The following TFEC variants were observed in gnomAD, a reference collection of about 807,000 sequenced individuals.
The protein encoded by TFEC is transcription factor EC.
Under a neutral mutation model 41.6 loss-of-function variants are expected in TFEC, and 31 were observed. That is an observed-to-expected ratio of 0.74 (90% CI 0.56 to 1.01). The LOEUF is 1.01. Ranked by LOEUF, TFEC falls within the 50% of genes least tolerant of loss-of-function variation. The probability of loss-of-function intolerance (pLI) is 0.00; values close to 1 mark genes in which losing one functional copy is unlikely to be tolerated. For missense variants in TFEC, 402 were observed against 404.1 expected, an observed-to-expected ratio of 0.99 and a Z score of 0.04; for synonymous variants, 143 against 140.6, an observed-to-expected ratio of 1.02 and a Z score of -0.12.
chr7:115,948,530 A>G (rs1164961505), intron 6 of TFEC, among the ~76,000 whole-genome samples: 1 of 152,190 alleles, frequency 6.6e-6, no homozygotes, highest in East Asian at 1.9e-4. Flanking sequence ...CCTGGGATGC[A>G]AGTCTGGTTC....
chr7:115,940,257 A>G lies in TFEC; in HGVS notation c.*294T>C, dbSNP rs1793419250. The G allele has an allele frequency of 1.3e-5, 3 of 239,360 alleles. No homozygotes were observed. The South Asian group carries it at 2.7e-4, about 22-fold the overall frequency. The allele number at this position is 239,360 out of a possible 1,614,324, so 14.8% of individuals were successfully genotyped here. ...GTACACCACCAAGTTGCTGCTTTTA[A>G]AACATCAATAAAGAGCTATTTCTTA... On this transcript the variant is annotated 3_prime_UTR_variant, in exon 8 of 8. Coordinates refer to ENST00000265440, the MANE Select transcript of TFEC (RefSeq NM_012252.4).
intron 3 of TFEC, among the ~76,000 whole-genome samples, chr7:116,041,391 T>G (rs1305323150): frequency 1.3e-5 from 2 of 152,124 alleles, no homozygotes; most frequent in Admixed American, 1.3e-4. Context: ...CAGATTCAAG[T>G]AATTTTGGGC....
chr7:116,067,670 T>A (rs1054713636), intron 3 of TFEC, among the ~76,000 whole-genome samples: 1 of 151,994 alleles, frequency 6.6e-6, no homozygotes, highest in Admixed American at 6.6e-5. Flanking sequence ...AAATATTTAT[T>A]GAGATCTACT....
intron 1 of TFEC, among the ~76,000 whole-genome samples, chr7:116,129,052 G>A (rs529302395): frequency 3.0e-4 from 45 of 152,050 alleles, no homozygotes; most frequent in African/African-American, 1.1e-3. Context: ...CTGTTTTCAG[G>A]AGCTTCATCT....
chr7:115,952,801 G>A (rs1453967202), intron 5 of TFEC, among the ~76,000 whole-genome samples: 1 of 152,024 alleles, frequency 6.6e-6, no homozygotes, highest in African/African-American at 2.4e-5. Context: ...CTTAGATCCA[G>A]GCAAGAGAGG....
chr7:115,992,045 A>G (rs1255697238), intron 1 of TFEC, among the ~76,000 whole-genome samples: 2 of 152,222 alleles, frequency 1.3e-5, no homozygotes, highest in African/African-American at 4.8e-5. Context: ...ACTCAAGATT[A>G]AGAAACTCAC....
intron 3 of TFEC, among the ~76,000 whole-genome samples, chr7:116,072,149 C>A (rs1210015403): frequency 6.6e-6 from 1 of 151,378 alleles, no homozygotes; most frequent in African/African-American, 2.4e-5. Flanking sequence ...ACACAGAAAG[C>A]TATGTTTACA....
At chr7:116,017,869 T>C (rs1258130822) in intron 1 of TFEC, among the ~76,000 whole-genome samples, 2 of 152,334 alleles carry the variant, frequency 1.3e-5, no homozygotes, top group South Asian at 2.1e-4. Flanking sequence ...TATTGGCATT[T>C]TGTAATTAGT....
chr7:115,943,646 C>T (rs965626968), intron 6 of TFEC, among the ~76,000 whole-genome samples: 1 of 151,450 alleles, frequency 6.6e-6, no homozygotes, highest in African/African-American at 2.4e-5. Flanking sequence ...ACTTTTGCCT[C>T]TCTCCCAAAA....
chr7:116,159,357 A>G (rs1798929739), intron 1 of TFEC, among the ~76,000 whole-genome samples: 2 of 152,014 alleles, frequency 1.3e-5, no homozygotes, highest in African/African-American at 4.8e-5. Context: ...TCGATGCTAG[A>G]TTAATAAATT....
At chr7:116,039,978 G>C (rs990755073) in intron 3 of TFEC, among the ~76,000 whole-genome samples, 18 of 152,040 alleles carry the variant, frequency 1.2e-4, no homozygotes, top group Non-Finnish European at 2.9e-5. Flanking sequence ...TGTTCCTCAA[G>C]TAAGACAGGA....
chr7:116,112,212 G>T (rs915724838), intron 1 of TFEC, among the ~76,000 whole-genome samples: 1 of 151,906 alleles, frequency 6.6e-6, no homozygotes, highest in Non-Finnish European at 1.5e-5. Flanking sequence ...GTCTCCAAAA[G>T]GCAGATAGAC....
chr7:116,074,760 G>T lies in TFEC; in HGVS notation c.198+35948C>A, dbSNP rs1422761122. Among the ~76,000 whole-genome samples, 7 of 151,620 alleles carry T rather than the reference G, an allele frequency of 4.6e-5. No homozygotes were observed. The East Asian group carries it at 1.2e-3, about 25-fold the overall frequency. On this transcript the variant is annotated intron_variant, in intron 3 of 8. Transcript: ENST00000484212. Reference sequence around the variant, plus strand: ...TGTGCACCAGTAATCACATACATAGGGTATATATAGATATGTCTCAAAATG... The same window carrying T: ...TGTGCACCAGTAATCACATACATAGTGTATATATAGATATGTCTCAAAATG...
intron 1 of TFEC, among the ~76,000 whole-genome samples, chr7:116,127,161 T>C (rs1798229254): frequency 6.6e-6 from 1 of 151,956 alleles, no homozygotes; most frequent in South Asian, 2.1e-4. Flanking sequence ...AGTGGCGCGA[T>C]CTCGGTTCAC....
rs577551144 is a variant in TFEC at position 116,038,855 on chromosome 7, G to A, written c.199-54342C>T. Among the ~76,000 whole-genome samples the A allele has an allele frequency of 6.2e-4, 95 of 152,138 alleles. 1 individual carries two copies. Among genetic ancestry groups the A allele is most frequent in the African/African-American group, 2.2e-3 (92 of 41,534 alleles). On this transcript the variant is annotated intron_variant, in intron 3 of 8. Coordinates refer to the TFEC transcript ENST00000484212. ...AACAAAATGTTACTTCATTCTCTAC[G>A]TGTCCAAAGTAGATTAGTGGGGAAG...
At chr7:115,956,158 T>TA (rs1792213634) in intron 4 of TFEC, among the ~76,000 whole-genome samples, 1 of 151,904 alleles carries the variant, frequency 6.6e-6, no homozygotes, top group African/African-American at 2.4e-5. Context: ...TTGTAACAAT[T>TA]AAAATAAACT....
chr7:115,967,205 GA>G (rs951365499), intron 3 of TFEC, among the ~76,000 whole-genome samples: 5 of 151,170 alleles, frequency 3.3e-5, no homozygotes, highest in South Asian at 2.1e-4. Context: ...GATAACAAAA[GA>G]AAAAAATACC....
chr7:116,060,702 T>A (rs1796533951), intron 3 of TFEC, among the ~76,000 whole-genome samples: 1 of 151,840 alleles, frequency 6.6e-6, no homozygotes, highest in South Asian at 2.1e-4. Flanking sequence ...GACCCTGGGG[T>A]CTACATGAAT....
intron 3 of TFEC, 38 bp from the exon 4 acceptor site, chr7:115,956,831 T>G: frequency 7.4e-7 from 1 of 1,355,958 alleles, no homozygotes; most frequent in South Asian, 1.4e-5. Context: ...AATAAAAACC[T>G]TCTGTGCAAA....
Sources: gnomAD v4.1 joint callset for allele counts (sites outside exome capture counted in the v4.1 genomes callset) on GRCh38, gnomAD v4.1.1 for gene constraint, MANE v1.5 for transcripts, NCBI Gene and HGNC (gene_info 2026-07-23, HGNC 2026-07-21) for gene names.